The following CAST variants were observed in gnomAD, a reference collection of about 807,000 sequenced individuals.
CAST encodes the protein calpastatin, also known as MIR583 host.
A neutral mutation model predicts 119.6 loss-of-function variants in CAST; 76 were observed. The ratio of observed to expected loss-of-function variants is 0.64; its 90% CI spans 0.53 to 0.77. CAST has a LOEUF of 0.77. Ranked by LOEUF, CAST falls within the 30% of genes least tolerant of loss-of-function variation. The probability of loss-of-function intolerance (pLI) is 0.00; values close to 1 mark genes in which losing one functional copy is unlikely to be tolerated. For missense variants in CAST, 953 were observed against 946.5 expected, an observed-to-expected ratio of 1.01 and a Z score of -0.09; for synonymous variants, 319 against 331.6, an observed-to-expected ratio of 0.96 and a Z score of 0.41.
upstream of CAST, among the ~76,000 whole-genome samples, chr5:96,659,109 T>G (rs1002479833): frequency 3.3e-5 from 5 of 152,218 alleles, no homozygotes; most frequent in Non-Finnish European, 4.4e-5. Flanking sequence ...CTTCTATGGG[T>G]GCACTATGTG....
chr5:96,278,706 C>T, the CAST span: 1 of 152,308 alleles, frequency 6.6e-6, no homozygotes, highest in Non-Finnish European at 1.5e-5. Context: ...TTTGTGATTA[C>T]ACCTCTTGAG....
the CAST span, among the ~76,000 whole-genome samples, chr5:96,057,148 T>C: frequency 5.3e-5 from 8 of 152,162 alleles, no homozygotes; most frequent in African/African-American, 1.7e-4. Flanking sequence ...TTGAACATGA[T>C]TGAACATTTG....
At chr5:96,050,433 G>C in the CAST span, among the ~76,000 whole-genome samples, 1 of 152,024 alleles carries the variant, frequency 6.6e-6, no homozygotes, top group Non-Finnish European at 1.5e-5. Flanking sequence ...AACCAGAAAA[G>C]GGGGGGTCAA....
chr5:96,614,415 G>A (rs1378795400), intron 1 of CAST, among the ~76,000 whole-genome samples: 6 of 152,180 alleles, frequency 3.9e-5, no homozygotes, highest in African/African-American at 9.7e-5. Context: ...ACATGCCCAC[G>A]AGCTTCTCCC....
chr5:96,619,671 C>T (rs951608173), intron 1 of CAST, among the ~76,000 whole-genome samples: 3 of 152,178 alleles, frequency 2.0e-5, no homozygotes, highest in Admixed American at 1.3e-4. Context: ...ACCACTAACC[C>T]ACCAGAAGGA....
At chr5:96,426,251 C>T in the CAST span, among the ~76,000 whole-genome samples, 2 of 152,152 alleles carry the variant, frequency 1.3e-5, no homozygotes, top group Non-Finnish European at 2.9e-5. Context: ...CCATAATACT[C>T]ATTTTTATAT....
chr5:96,177,135 C>T, the CAST span, among the ~76,000 whole-genome samples: 1 of 151,798 alleles, frequency 6.6e-6, no homozygotes, highest in Non-Finnish European at 1.5e-5. Context: ...TGAAATTATC[C>T]CTCATTAAAA....
chr5:96,753,976 TG>T, intron 20 of CAST, 83 bp from the exon 21 acceptor site: 2 of 777,622 alleles, frequency 2.6e-6, no homozygotes, highest in Non-Finnish European at 4.6e-6. Context: ...TCTGAAATAA[TG>T]ATATGCCTTT....
chr5:96,752,386 G>A (rs747065970), intron 20 of CAST, among the ~76,000 whole-genome samples: 183 of 152,248 alleles, frequency 1.2e-3, no homozygotes, highest in South Asian at 3.5e-3. Flanking sequence ...TGAGAAAACA[G>A]AATTGTAGTG....
intron 1 of CAST, among the ~76,000 whole-genome samples, chr5:96,665,848 A>G (rs1347614083): frequency 6.6e-6 from 1 of 152,172 alleles, no homozygotes; most frequent in East Asian, 1.9e-4. Context: ...TATAATACAT[A>G]TGTAGACATC....
rs1005406193 is a variant in CAST, at chr5:96,562,038, C to T, written c.60+32158C>T. Among the ~76,000 whole-genome samples, 5 of 150,962 alleles carry T rather than the reference C, an allele frequency of 3.3e-5. No homozygotes were observed. In the East Asian group the frequency reaches 5.8e-4, roughly 18 times the overall value. On this transcript the variant is annotated intron_variant, in intron 1 of 11. Coordinates refer to the CAST transcript ENST00000505143. The stretch of plus-strand genomic sequence containing the variant: ...CGATCTCCTGACCTCGTGATCCGCC[C>T]GCCTCGGCCTCCCAAAGTGCTGGGA...
chr5:96,035,368 C>T, the CAST span, among the ~76,000 whole-genome samples: 1 of 151,358 alleles, frequency 6.6e-6, no homozygotes, highest in Admixed American at 6.6e-5. Flanking sequence ...TTATGATTAC[C>T]TCTTCCTAAG....
chr5:96,358,905 C>G, the CAST span, among the ~76,000 whole-genome samples: 33,921 of 152,074 alleles, frequency 0.22, 4,368 homozygotes, highest in East Asian at 0.31. Flanking sequence ...AATTTTCTGT[C>G]TCGTTGATCT....
chr5:96,298,411 A>G, the CAST span, among the ~76,000 whole-genome samples: 2 of 152,226 alleles, frequency 1.3e-5, no homozygotes, highest in Non-Finnish European at 2.9e-5. Context: ...GGATAAGAGT[A>G]ATTGGTCAAC....
At chr5:95,966,997 G>T in the CAST span, among the ~76,000 whole-genome samples, 2 of 152,172 alleles carry the variant, frequency 1.3e-5, no homozygotes, top group Admixed American at 6.5e-5. Flanking sequence ...TGGCTATTCA[G>T]TGTAGTGCAG....
chr5:96,005,396 G>A, the CAST span, among the ~76,000 whole-genome samples: 1 of 152,282 alleles, frequency 6.6e-6, no homozygotes, highest in East Asian at 1.9e-4. Flanking sequence ...GGGTTAGAAA[G>A]TGCTGTTGAC....
the CAST span, among the ~76,000 whole-genome samples, chr5:96,515,505 A>G: frequency 6.6e-6 from 1 of 152,108 alleles, no homozygotes; most frequent in African/African-American, 2.4e-5. Context: ...CACAGTATTC[A>G]CGTCCAATAT....
At chr5:96,377,094 A>G in the CAST span, among the ~76,000 whole-genome samples, 86 of 152,212 alleles carry the variant, frequency 5.7e-4, 1 homozygote, top group East Asian at 0.013. Flanking sequence ...GTACAGCTGT[A>G]CAATGTATGT....
chr5:96,162,209 T>C, the CAST span, among the ~76,000 whole-genome samples: 1 of 152,222 alleles, frequency 6.6e-6, no homozygotes, highest in Non-Finnish European at 1.5e-5. Context: ...GAGTAAAGCA[T>C]TCAGTCTTGT....
Sources: allele counts gnomAD v4.1 joint callset (sites outside exome capture counted in the v4.1 genomes callset), GRCh38; gene constraint gnomAD v4.1.1; transcripts MANE v1.5; gene names NCBI Gene and HGNC (gene_info 2026-07-23, HGNC 2026-07-21).